KCNH8: variants seen among roughly 807,000 people sequenced by gnomAD.
The protein encoded by KCNH8 is potassium voltage-gated channel subfamily H member 8.
A neutral mutation model predicts 103.6 loss-of-function variants in KCNH8; 70 were observed. The observed-to-expected ratio is 0.68, with a 90% confidence interval of 0.56 to 0.82. KCNH8 has a LOEUF of 0.82. KCNH8 is among the 40% of genes least tolerant of loss of function. The probability of loss-of-function intolerance (pLI) is 0.00; values close to 1 mark genes in which losing one functional copy is unlikely to be tolerated. For missense variants in KCNH8, 1,217 were observed against 1,329.9 expected (o/e 0.92, Z 1.32); for synonymous variants, 498 against 489.4 (o/e 1.02, Z -0.23).
chr3:19,451,784 A>T (rs2067451788), intron 10 of KCNH8, among the ~76,000 whole-genome samples: 2 of 152,150 alleles, frequency 1.3e-5, no homozygotes, highest in Admixed American at 1.3e-4. Context: ...ATTTTTGTGG[A>T]AAATTAATTC....
intron 1 of KCNH8, among the ~76,000 whole-genome samples, chr3:19,239,690 C>G (rs2064113742): frequency 6.6e-6 from 1 of 150,474 alleles, no homozygotes; most frequent in African/African-American, 2.5e-5. Context: ...ATCTACCTAC[C>G]TACCTATCTA....
At chr3:19,505,635 T>A (rs186993899) in intron 11 of KCNH8, among the ~76,000 whole-genome samples, 1 of 152,120 alleles carries the variant, frequency 6.6e-6, no homozygotes, top group Non-Finnish European at 1.5e-5. Context: ...GATGATTATG[T>A]GTCTTGGGGA....
chr3:19,458,551 C>T (rs758055514), intron 11 of KCNH8, among the ~76,000 whole-genome samples: 11 of 151,866 alleles, frequency 7.2e-5, no homozygotes, highest in Non-Finnish European at 1.5e-4. Context: ...ATGGCTAAAT[C>T]ACGCTAATTA....
At chr3:19,469,265 T>C (rs1559342268) in intron 11 of KCNH8, among the ~76,000 whole-genome samples, 2 of 152,210 alleles carry the variant, frequency 1.3e-5, no homozygotes, top group Non-Finnish European at 2.9e-5. Context: ...GTCAGTTGTG[T>C]ACTTTAAAAT....
chr3:19,173,334 A>G (rs988238136), intron 1 of KCNH8, among the ~76,000 whole-genome samples: 1 of 152,104 alleles, frequency 6.6e-6, no homozygotes, highest in Non-Finnish European at 1.5e-5. Flanking sequence ...GGGTTGAGCA[A>G]TGGATGCCTG....
At chr3:19,359,945 G>C (rs935377966) in intron 5 of KCNH8, among the ~76,000 whole-genome samples, 1 of 151,936 alleles carries the variant, frequency 6.6e-6, no homozygotes, top group African/African-American at 2.4e-5. Flanking sequence ...TACCTTCTGT[G>C]AACTTTTGAG....
chr3:19,461,046 G>A (rs1370670089), intron 11 of KCNH8, among the ~76,000 whole-genome samples: 1 of 152,004 alleles, frequency 6.6e-6, no homozygotes, highest in Non-Finnish European at 1.5e-5. Context: ...TTTTATTAGC[G>A]GCATGAGAAC....
chr3:19,525,433 C>G (rs1220121379), intron 15 of KCNH8, among the ~76,000 whole-genome samples: 6 of 151,804 alleles, frequency 4.0e-5, no homozygotes, highest in Non-Finnish European at 8.8e-5. Flanking sequence ...AACCAGTATT[C>G]TGAGAGCAGA....
chr3:19,160,298 G>A (rs1453476014), intron 1 of KCNH8, among the ~76,000 whole-genome samples: 1 of 152,064 alleles, frequency 6.6e-6, no homozygotes, highest in Non-Finnish European at 1.5e-5. Context: ...TAGATCAAAG[G>A]ACTGCTCTTC....
At chr3:19,183,861 A>G (rs902743384) in intron 1 of KCNH8, among the ~76,000 whole-genome samples, 1 of 152,200 alleles carries the variant, frequency 6.6e-6, no homozygotes, top group African/African-American at 2.4e-5. Context: ...CTGATTAGCA[A>G]ACAGGGAAAT....
intron 11 of KCNH8, among the ~76,000 whole-genome samples, chr3:19,459,233 CTTTT>C (rs917618403): frequency 1.3e-5 from 2 of 151,314 alleles, no homozygotes; most frequent in African/African-American, 4.8e-5. Flanking sequence ...GCAGGGGTTC[CTTTT>C]TTTTCACATC....
At chr3:19,513,759 T>C (rs2068826780) in intron 13 of KCNH8, among the ~76,000 whole-genome samples, 1 of 152,180 alleles carries the variant, frequency 6.6e-6, no homozygotes, top group Non-Finnish European at 1.5e-5. Context: ...TTCATACTAT[T>C]CTTGCCTTAT....
intron 10 of KCNH8, among the ~76,000 whole-genome samples, chr3:19,453,434 A>C (rs1024740937): frequency 9.9e-5 from 15 of 152,190 alleles, no homozygotes; most frequent in African/African-American, 3.6e-4. Context: ...AAAATAGATT[A>C]TATTTTGGAA....
At chr3:19,447,254 C>A (rs1242290520) in intron 8 of KCNH8, among the ~76,000 whole-genome samples, 1 of 151,838 alleles carries the variant, frequency 6.6e-6, no homozygotes. Flanking sequence ...CTATGAGGAC[C>A]AGAATTTTAT....
chr3:19,267,961 A>G (rs988080708), intron 2 of KCNH8, among the ~76,000 whole-genome samples: 4 of 152,122 alleles, frequency 2.6e-5, no homozygotes, highest in Non-Finnish European at 5.9e-5. Flanking sequence ...GACACATAAT[A>G]TGTGCTCAGT....
At chr3:19,371,981 T>C (rs1482564246) in intron 5 of KCNH8, among the ~76,000 whole-genome samples, 3 of 151,614 alleles carry the variant, frequency 2.0e-5, no homozygotes, top group Non-Finnish European at 2.9e-5. Flanking sequence ...ATCTCTGTTT[T>C]GGTACCAGTA....
chr3:19,186,786 A>G (rs2063506696), intron 1 of KCNH8, among the ~76,000 whole-genome samples: 1 of 152,076 alleles, frequency 6.6e-6, no homozygotes, highest in Non-Finnish European at 1.5e-5. Context: ...AAAAGGAGAT[A>G]AAACTGGCTT....
intron 1 of KCNH8, among the ~76,000 whole-genome samples, chr3:19,199,336 A>G (rs2063633276): frequency 6.6e-6 from 1 of 152,076 alleles, no homozygotes; most frequent in Admixed American, 6.6e-5. Context: ...CACTAATATT[A>G]CATAAATCGT....
intron 3 of KCNH8, among the ~76,000 whole-genome samples, chr3:19,283,875 G>T (rs888274769): frequency 6.6e-6 from 1 of 150,660 alleles, no homozygotes; most frequent in Non-Finnish European, 1.5e-5. Context: ...CCCAGGAGGT[G>T]AATGCTGCAG....
Sources: allele counts gnomAD v4.1 joint callset (sites outside exome capture counted in the v4.1 genomes callset), GRCh38; gene constraint gnomAD v4.1.1; transcripts MANE v1.5; gene names NCBI Gene and HGNC (gene_info 2026-07-23, HGNC 2026-07-21).